The following MFSD2A variants were observed in gnomAD, a reference collection of about 807,000 sequenced individuals.
MFSD2A encodes the protein sodium-dependent lysophosphatidylcholine symporter 1.
In MFSD2A, 27 loss-of-function variants were observed where a neutral mutation model predicts 64.7. The observed-to-expected ratio is 0.42, with a 90% CI of 0.31 to 0.58. The LOEUF (loss-of-function observed/expected upper bound fraction) is 0.58. Ranked by LOEUF, MFSD2A falls within the 20% of genes least tolerant of loss-of-function variation. The pLI is 0.18. For synonymous variants in MFSD2A, 258 were observed against 273.4 expected, an observed-to-expected ratio of 0.94 and a Z score of 0.55; for missense variants, 474 against 679.5, an observed-to-expected ratio of 0.70 and a Z score of 3.36.
In MFSD2A at chr1:39,967,163, C is replaced by A; in HGVS notation, c.1005C>A (p.Ala335=). The A allele has an allele frequency of 6.2e-7, 1 of 1,613,894 alleles. No homozygotes were observed. Among genetic ancestry groups the A allele is most frequent in the Non-Finnish European group, 8.5e-7 (1 of 1,179,878 alleles). ...FRNEFQNLLL[A]IMLSATLTIP... is the part of the protein sequence containing the mutation. The stretch of plus-strand genomic sequence containing the variant: ...ATGAATTCCAGAATCTACTCCTGGC[C>A]ATCATGGTGAGTGGGACCTGAGCAG... The change falls in exon 9 of 14, where the codon GCC becomes GCA. Residue 335 remains alanine (A), a synonymous_variant. Transcript: ENST00000372811.
rs751206643 is a variant in MFSD2A, at chr1:39,957,068, CTT to C, written c.94-16_94-15del. On this transcript the variant is annotated splice_polypyrimidine_tract_variant and intron_variant, in intron 1 of 13. Transcript: ENST00000372811. ...GAGGCCAGAACCTTGGGCCTTTCATCTTTTCCTCCTCTTCCCAGAAAGAACCG... is the reference window on the plus strand; with the variant it reads ...GAGGCCAGAACCTTGGGCCTTTCATCTTCCTCCTCTTCCCAGAAAGAACCG... 6 of 1,605,306 alleles carry C rather than the reference CTT, an allele frequency of 3.7e-6. 1 individual carries two copies. The South Asian group carries it at 6.6e-5, about 18-fold the overall frequency.
rs571604649 is a variant in MFSD2A, at chr1:39,967,320, C to T, written c.1011+151C>T. On this transcript the variant is annotated intron_variant, in intron 9 of 13. Transcript: ENST00000372811. ...TCTCAGGGTATTTGGTTGGACCTTG[C>T]GAAGGTAGGACTGTGAAAGAAAGAG... The T allele has an allele frequency of 2.4e-4, 173 of 731,692 alleles. 5 individuals are homozygous for T. In the South Asian group the frequency reaches 2.6e-3, roughly 11 times the overall value. 45.3% of individuals were successfully genotyped at this position (731,692 alleles called of 1,614,324 possible). A position where few individuals can be genotyped will look rare whatever the true frequency, so the allele number is the denominator to read the frequency against.
At chr1:39,967,977 C>A in intron 11 of MFSD2A, 61 bp downstream of exon 11, 3 of 1,072,204 alleles carry the variant, frequency 2.8e-6, no homozygotes, top group Non-Finnish European at 4.1e-6. Flanking sequence ...AGTTTTGAAG[C>A]TCCTTAGGGA....
chr1:39,968,626 G>A lies in MFSD2A; in HGVS notation c.1410G>A (p.Leu470=), dbSNP rs531676567. The A allele has an allele frequency of 3.2e-5, 51 of 1,614,170 alleles. No homozygotes were observed. The highest frequency in any genetic ancestry group is 4.2e-5 in the Non-Finnish European group (49 of 1,180,032). ...AGCCGGAACGTGTCAAGTTTACACT[G>A]AACATGCTCGTGACCATGGCTCCCA... ...CSQPERVKFT[L]NMLVTMAPIV... Residue 470 remains leucine, a synonymous_variant, in exon 13 of 14, where the codon CTG becomes CTA. Transcript: ENST00000372811. This position sits in a 1 kb window ranked among gnomAD's most constrained non-coding sequence, Gnocchi z 4.4.
chr1:39,959,878 G>A (rs570632431), intron 3 of MFSD2A, among the ~76,000 whole-genome samples: 1 of 152,324 alleles, frequency 6.6e-6, no homozygotes, highest in African/African-American at 2.4e-5. Context: ...CACACCAGGG[G>A]AACTGCAGAA....
In MFSD2A at chr1:39,957,210, G is replaced by A; in HGVS notation, c.217G>A (p.Asp73Asn). 1.9e-6 allele frequency: 3 copies of A among 1,599,398 alleles called. No homozygotes were observed. The highest frequency in any genetic ancestry group is 2.6e-6 in the Non-Finnish European group (3 of 1,172,170). The change falls in exon 2 of 14, where the codon GAT becomes AAT. Residue 73 changes from aspartate (D) to asparagine (N), a missense_variant. Transcript: ENST00000372811. ...LGFFLQIYLL[D>N]VAQVGPFSAS... The stretch of plus-strand genomic sequence containing the variant: ...TTTCTTCCTTCAGATCTACCTATTG[G>A]ATGTGGCTCAGGTGAGTGGTCTAAG...
rs77353714 is a variant in MFSD2A, at chr1:39,959,870, C to T, written c.353+1045C>T. Among the ~76,000 whole-genome samples, 284 of 152,334 alleles carry T rather than the reference C, an allele frequency of 1.9e-3. 4 individuals carry two copies. In the East Asian group the frequency reaches 0.025, roughly 13 times the overall value. On this transcript the variant is annotated intron_variant, in intron 3 of 13. Transcript: ENST00000372811. ...GGCATGTGGTCCCTAGTACAGGCCACACCAGGGGAACTGCAGAATCCTGGG... is the reference window on the plus strand; with the variant it reads ...GGCATGTGGTCCCTAGTACAGGCCATACCAGGGGAACTGCAGAATCCTGGG...
intron 7 of MFSD2A, 57 bp downstream of exon 7, chr1:39,966,748 G>T (rs1645170141): frequency 1.9e-6 from 3 of 1,613,342 alleles, no homozygotes; most frequent in Non-Finnish European, 2.5e-6. Context: ...GTATCTTTCT[G>T]CCTGGCCCTC....
intron 3 of MFSD2A, among the ~76,000 whole-genome samples, chr1:39,961,581 T>C (rs1645045208): frequency 6.6e-6 from 1 of 151,738 alleles, no homozygotes; most frequent in South Asian, 2.1e-4. Context: ...TCTCCTGACC[T>C]TGTGATCTGC....
intron 3 of MFSD2A, among the ~76,000 whole-genome samples, chr1:39,959,538 C>G (rs1644991845): frequency 6.6e-6 from 1 of 152,148 alleles, no homozygotes; most frequent in African/African-American, 2.4e-5. Context: ...CAGGTGTGAG[C>G]CACCATGCCC....
rs558336477 is a variant in MFSD2A, at chr1:39,963,878, G to A, written c.354-1333G>A. Among the ~76,000 whole-genome samples, 1 of 152,304 alleles carries A rather than the reference G, an allele frequency of 6.6e-6. No homozygotes were observed. Among genetic ancestry groups the A allele is most frequent in the South Asian group, 2.1e-4 (1 of 4,828 alleles). ...GCCTCCCGAGGAGCTGGGACTACAG[G>A]TGTGCGCCACCATGCCTGGTTAATT... is the stretch of plus-strand genomic sequence containing the variant. On this transcript the variant is annotated intron_variant, in intron 3 of 13. Transcript: ENST00000372811. This position sits in a 1 kb window ranked among gnomAD's most constrained non-coding sequence, Gnocchi z 4.2.
chr1:39,968,138 C>G lies in MFSD2A; in HGVS notation c.1209-196C>G. On this transcript the variant is annotated intron_variant, in intron 11 of 13. Coordinates refer to ENST00000372811, the MANE Select transcript of MFSD2A (RefSeq NM_032793.5). The surrounding 1 kb of genome is among the most constrained non-coding windows in gnomAD (Gnocchi z 4.4). ...GGGCTGTAATCTGGCCTGGGCTCCA[C>G]TTGCCACGCTGAGCACCTCCAGGCA... The G allele has an allele frequency of 1.4e-6, 1 of 708,416 alleles. No homozygotes were observed. Among genetic ancestry groups the G allele is most frequent in the Non-Finnish European group, 2.3e-6 (1 of 433,942 alleles). 43.9% of individuals were successfully genotyped at this position (708,416 alleles called of 1,614,324 possible).
Position 39,966,591 on chromosome 1 carries a change from C to T in MFSD2A, c.715-10C>T, listed in dbSNP as rs1431891452. The stretch of plus-strand genomic sequence containing the variant: ...GACCATCCTTGTATGTCGCCTTCAC[C>T]TCCTTATAGCAAAAGGCATACCTGC... On this transcript the variant is annotated splice_polypyrimidine_tract_variant and intron_variant, in intron 6 of 13. Transcript: ENST00000372811. The T allele has an allele frequency of 1.2e-6, 2 of 1,606,670 alleles. No homozygotes were observed. Among genetic ancestry groups the T allele is most frequent in the East Asian group, 2.2e-5 (1 of 44,806 alleles).
At position 39,964,848 on chromosome 1, in the gene MFSD2A, G is replaced by A. The variant is rs74815979; in HGVS notation, c.354-363G>A. 1.1e-3 allele frequency: 314 copies of A among 296,744 alleles called. 1 individual carries two copies. Among genetic ancestry groups the A allele is most frequent in the African/African-American group, 6.3e-3 (288 of 45,654 alleles). The allele number at this position is 296,744 out of a possible 1,614,324, so 18.4% of individuals were successfully genotyped here. On this transcript the variant is annotated intron_variant, in intron 3 of 13. Transcript: ENST00000372811. This position sits in a 1 kb window ranked among gnomAD's most constrained non-coding sequence, Gnocchi z 4.1. Reference sequence around the variant, plus strand: ...GTGTGCGGTTGATGACTATCCGTGTGAGAACACGGGAGTTGGGGCTGCTCC... The same window carrying A: ...GTGTGCGGTTGATGACTATCCGTGTAAGAACACGGGAGTTGGGGCTGCTCC...
chr1:39,966,983 G>A (rs761430382), intron 8 of MFSD2A, 51 bp downstream of exon 8: 1 of 1,613,038 alleles, frequency 6.2e-7, no homozygotes, highest in South Asian at 1.1e-5. Context: ...AATGGGAGCG[G>A]GGTGAGCAGA....
intron 6 of MFSD2A, 83 bp downstream of exon 6, chr1:39,966,097 A>G: frequency 6.8e-7 from 1 of 1,467,076 alleles, no homozygotes; most frequent in Non-Finnish European, 9.3e-7. Flanking sequence ...AGTAACAGCT[A>G]GTGTTTATTA....
In MFSD2A at chr1:39,963,281, T is replaced by A. The variant is rs1196120519; in HGVS notation, c.354-1930T>A. 7.1e-7 allele frequency: 1 copy of A among 1,406,656 alleles called. No homozygotes were observed. The highest frequency in any genetic ancestry group is 9.9e-7 in the Non-Finnish European group (1 of 1,009,802). The allele number at this position is 1,406,656 out of a possible 1,614,324, so 87.1% of individuals were successfully genotyped here. On this transcript the variant is annotated intron_variant, in intron 3 of 13. Transcript: ENST00000372811. This position sits in a 1 kb window ranked among gnomAD's most constrained non-coding sequence, Gnocchi z 4.2. ...CCAAGGGCACCTTTGATGCCATCTCTAAGACCTACAGCTACCTGACCCCCG... is the reference window on the plus strand; with the variant it reads ...CCAAGGGCACCTTTGATGCCATCTCAAAGACCTACAGCTACCTGACCCCCG...
At position 39,968,449 on chromosome 1, in the gene MFSD2A, T is replaced by C; in HGVS notation, c.1324T>C (p.Ser442Pro). 1 of 1,614,172 alleles carries C rather than the reference T, an allele frequency of 6.2e-7. No individual in the cohort carries two copies. The highest frequency in any genetic ancestry group is 8.5e-7 in the Non-Finnish European group (1 of 1,180,008). ...VFFTKFASGVSLGISTLSLDF... is the reference protein window; with the variant it reads ...VFFTKFASGVPLGISTLSLDF... ...CTTCACCAAGTTTGCCTCTGGAGTG[T>C]CACTGGGCATTTCTACCCTCAGTCT... Residue 442 changes from serine (S) to proline (P), a missense_variant, in exon 12 of 14, where the codon TCA (serine) becomes CCA (proline). Coordinates refer to ENST00000372811, the MANE Select transcript of MFSD2A (RefSeq NM_032793.5). This position sits in a 1 kb window ranked among gnomAD's most constrained non-coding sequence, Gnocchi z 4.4.
In MFSD2A at chr1:39,967,873, G is replaced by A; in HGVS notation, c.1165G>A (p.Val389Met). Residue 389 changes from valine to methionine, a missense_variant, in exon 11 of 14, where the codon GTG becomes ATG. Physicochemically the swap from Val to Met is conservative, Grantham distance 21. Coordinates refer to ENST00000372811, the MANE Select transcript of MFSD2A (RefSeq NM_032793.5). ...SNLIITYAVA[V>M]AAGISVAAAF... ...CCTCATCATTACATATGCGGTAGCT[G>A]TGGCAGCTGGCATCAGTGTGGCAGC... 6.2e-7 allele frequency: 1 copy of A among 1,613,960 alleles called. No homozygotes were observed. The highest frequency in any genetic ancestry group is 2.2e-5 in the East Asian group (1 of 44,874).
Sources: gnomAD v4.1 joint callset for allele counts (sites outside exome capture counted in the v4.1 genomes callset) on GRCh38, gnomAD v4.1.1 for gene constraint, Gnocchi (gnomAD v3.1) non-coding constraint, MANE v1.5 for transcripts, NCBI Gene and HGNC (gene_info 2026-07-23, HGNC 2026-07-21) for gene names.